Variants in CFDP1 observed in about 807,000 individuals in gnomAD.
CFDP1 encodes heterochromatin-stabilizing protein CFDP1.
In CFDP1, 31 loss-of-function variants were observed where a neutral mutation model predicts 40.1. That is an observed-to-expected ratio of 0.77 (90% CI 0.58 to 1.04). The LOEUF is 1.04. CFDP1 is among the 50% of genes least tolerant of loss of function. The probability of loss-of-function intolerance (pLI) is 0.00; values close to 1 mark genes in which losing one functional copy is unlikely to be tolerated. For synonymous variants in CFDP1, 167 were observed against 120.0 expected (o/e 1.39, Z -2.56); for missense variants, 423 against 343.4 (o/e 1.23, Z -1.83).
chr16:75,304,403 T>C (rs1372571381), intron 6 of CFDP1, among the ~76,000 whole-genome samples: 1 of 152,164 alleles, frequency 6.6e-6, no homozygotes, highest in Non-Finnish European at 1.5e-5. Flanking sequence ...TAATCACCAG[T>C]AAGACAAATA....
intron 5 of CFDP1, among the ~76,000 whole-genome samples, chr16:75,322,508 G>A (rs1462161482): frequency 6.6e-6 from 1 of 152,178 alleles, no homozygotes; most frequent in Non-Finnish European, 1.5e-5. Context: ...CTACAAATCT[G>A]TATAGCATGT....
intron 1 of CFDP1, among the ~76,000 whole-genome samples, chr16:75,428,303 A>C (rs1401208763): frequency 6.6e-6 from 1 of 152,216 alleles, no homozygotes; most frequent in South Asian, 2.1e-4. Flanking sequence ...TTACAAAAGA[A>C]GAACATAATG....
chr16:75,307,215 T>C (rs1002574503), intron 5 of CFDP1, among the ~76,000 whole-genome samples: 10 of 151,956 alleles, frequency 6.6e-5, no homozygotes, highest in Admixed American at 4.6e-4. Context: ...TTTTTATTTT[T>C]ATTTATTTTT....
At chr16:75,322,683 G>A (rs75496236) in intron 5 of CFDP1, among the ~76,000 whole-genome samples, 9 of 152,028 alleles carry the variant, frequency 5.9e-5, no homozygotes, top group Non-Finnish European at 1.3e-4. Flanking sequence ...TTTGAGCACT[G>A]ACATGACACT....
At chr16:75,338,697 T>C (rs1229609174) in intron 5 of CFDP1, among the ~76,000 whole-genome samples, 2 of 152,152 alleles carry the variant, frequency 1.3e-5, no homozygotes, top group Non-Finnish European at 2.9e-5. Context: ...CTGGACAACA[T>C]CCCTTGATAA....
intron 5 of CFDP1, among the ~76,000 whole-genome samples, chr16:75,313,608 G>A (rs1358341403): frequency 1.3e-5 from 2 of 152,354 alleles, no homozygotes; most frequent in Non-Finnish European, 2.9e-5. Context: ...TGGGATTATA[G>A]GCATGAGCCT....
intron 4 of CFDP1, among the ~76,000 whole-genome samples, chr16:75,410,637 G>A (rs1000111157): frequency 1.3e-5 from 2 of 151,050 alleles, no homozygotes; most frequent in Non-Finnish European, 2.9e-5. Context: ...GTCCAGGCAC[G>A]GTGGATCACA....
chr16:75,369,115 A>C (rs756934174), intron 5 of CFDP1, among the ~76,000 whole-genome samples: 1 of 152,232 alleles, frequency 6.6e-6, no homozygotes, highest in Non-Finnish European at 1.5e-5. Flanking sequence ...TAAGTGTAAT[A>C]TGTGTAAATG....
At position 75,429,673 on chromosome 16, in the gene CFDP1, A is replaced by G. The variant is rs189731765; in HGVS notation, c.64+3616T>C. Among the ~76,000 whole-genome samples the G allele has an allele frequency of 2.6e-5, 4 of 152,260 alleles. No individual in the cohort carries two copies. In the East Asian group the frequency reaches 7.7e-4, roughly 29 times the overall value. ...TATCTCTAAATAAATAAGTAAATAC[A>G]CTGGAGTACTCATAGAAGGTAACCA... On this transcript the variant is annotated intron_variant, in intron 1 of 6. Transcript: ENST00000283882.
At chr16:75,334,332 C>T (rs534956746) in intron 5 of CFDP1, among the ~76,000 whole-genome samples, 2 of 151,372 alleles carry the variant, frequency 1.3e-5, no homozygotes, top group Admixed American at 6.6e-5. Flanking sequence ...TAAAAAGGAC[C>T]GGGAAAGACG....
intron 1 of CFDP1, among the ~76,000 whole-genome samples, chr16:75,424,473 C>G (rs922133712): frequency 3.3e-5 from 5 of 152,166 alleles, no homozygotes; most frequent in African/African-American, 1.2e-4. Flanking sequence ...GGGAAAAAGG[C>G]TGCCAGACGC....
At chr16:75,331,059 C>T (rs1465104556) in intron 5 of CFDP1, among the ~76,000 whole-genome samples, 1 of 152,092 alleles carries the variant, frequency 6.6e-6, no homozygotes, top group African/African-American at 2.4e-5. Context: ...TCAGGACAGG[C>T]CTCCTCTGCC....
chr16:75,407,846 A>T (rs2079116141), intron 4 of CFDP1, among the ~76,000 whole-genome samples: 4 of 152,094 alleles, frequency 2.6e-5, no homozygotes, highest in Admixed American at 2.6e-4. Context: ...GGTGGCTCAC[A>T]CCTGCAATCC....
intron 1 of CFDP1, among the ~76,000 whole-genome samples, chr16:75,431,248 T>C (rs1018298373): frequency 4.0e-5 from 6 of 151,394 alleles, no homozygotes; most frequent in Non-Finnish European, 8.8e-5. Flanking sequence ...GGTCAGGAGT[T>C]TGAAACAAGC....
intron 5 of CFDP1, among the ~76,000 whole-genome samples, chr16:75,361,963 T>C (rs11861951): frequency 0.016 from 2,378 of 152,300 alleles, 60 homozygotes; most frequent in African/African-American, 0.053. Context: ...CAAAAGAGCC[T>C]GTCTTGACCA....
intron 5 of CFDP1, among the ~76,000 whole-genome samples, chr16:75,345,187 T>A (rs1199118277): frequency 6.6e-6 from 1 of 151,934 alleles, no homozygotes; most frequent in Non-Finnish European, 1.5e-5. Flanking sequence ...CTGGGAGCAG[T>A]GGCTCACACC....
At chr16:75,381,680 C>A (rs2078853492) in intron 5 of CFDP1, among the ~76,000 whole-genome samples, 1 of 152,120 alleles carries the variant, frequency 6.6e-6, no homozygotes, top group Admixed American at 6.5e-5. Flanking sequence ...TTCTTCACTT[C>A]TGTAATATGG....
intron 5 of CFDP1, among the ~76,000 whole-genome samples, chr16:75,318,507 G>A (rs11861458): frequency 0.026 from 3,915 of 150,916 alleles, 61 homozygotes; most frequent in Non-Finnish European, 0.035. Context: ...CTGGGTTCAC[G>A]CCATTCTCCT....
intron 5 of CFDP1, among the ~76,000 whole-genome samples, chr16:75,390,565 T>C (rs1208708839): frequency 6.6e-6 from 1 of 152,210 alleles, no homozygotes; most frequent in Admixed American, 6.5e-5. Context: ...ACTCTCTCTC[T>C]CCCCAGAGAT....
Sources: allele counts gnomAD v4.1 joint callset (sites outside exome capture counted in the v4.1 genomes callset), GRCh38; gene constraint gnomAD v4.1.1; transcripts MANE v1.5; gene names NCBI Gene and HGNC (gene_info 2026-07-23, HGNC 2026-07-21).